GABRG3: variants seen among roughly 807,000 people sequenced by gnomAD.
The protein encoded by GABRG3 is gamma-aminobutyric acid receptor subunit gamma-3.
GABRG3 carries 25 observed loss-of-function variants against 48.8 expected under a neutral mutation model. The ratio of observed to expected loss-of-function variants is 0.51; its 90% confidence interval spans 0.37 to 0.72. The LOEUF is 0.72. Among genes scored for constraint, GABRG3 ranks in the 30% least tolerant of loss-of-function variants. The probability of loss-of-function intolerance (pLI) is 0.00; values close to 1 mark genes in which losing one functional copy is unlikely to be tolerated. For synonymous variants in GABRG3, 227 were observed against 217.6 expected, an observed-to-expected ratio of 1.04 and a Z score of -0.38; for missense variants, 394 against 577.9, an observed-to-expected ratio of 0.68 and a Z score of 3.26.
At chr15:27,337,418 A>G (rs1271624564) in intron 5 of GABRG3, among the ~76,000 whole-genome samples, 2 of 152,260 alleles carry the variant, frequency 1.3e-5, no homozygotes, top group Non-Finnish European at 2.9e-5. Flanking sequence ...ATGAAAAATT[A>G]TCAATGAACT....
At chr15:27,287,737 CTTTT>C (rs61469529) in intron 3 of GABRG3, among the ~76,000 whole-genome samples, 2 of 123,282 alleles carry the variant, frequency 1.6e-5, no homozygotes, top group South Asian at 2.5e-4. Context: ...TTTGCTGTGT[CTTTT>C]TTTTTTTTTT....
rs553524979 is a variant in GABRG3, at chr15:27,241,685, T to G, written c.271-85124T>G. Among the ~76,000 whole-genome samples the G allele has an allele frequency of 3.3e-5, 5 of 152,358 alleles. No individual in the cohort carries two copies. The East Asian group carries it at 9.6e-4, about 29-fold the overall frequency. ...AATTTCTGACACACATCAGCCGCTA[T>G]TCTAGTGCATAGTTAGTAGTCCACA... On this transcript the variant is annotated intron_variant, in intron 3 of 9. Transcript: ENST00000615808.
chr15:27,148,021 A>G (rs1055674945), intron 3 of GABRG3, among the ~76,000 whole-genome samples: 7 of 151,938 alleles, frequency 4.6e-5, no homozygotes, highest in Non-Finnish European at 8.8e-5. Context: ...ACAAAACCAA[A>G]AGTTGTTTTT....
At chr15:27,075,831 AGGAGTGT>A (rs1211006574) in intron 3 of GABRG3, among the ~76,000 whole-genome samples, 1 of 152,168 alleles carries the variant, frequency 6.6e-6, no homozygotes, top group Non-Finnish European at 1.5e-5. Context: ...TCAGATCATG[AGGAGTGT>A]GAAGGATTCC....
chr15:27,339,154 T>A (rs1457604362), intron 5 of GABRG3, among the ~76,000 whole-genome samples: 1 of 152,150 alleles, frequency 6.6e-6, no homozygotes, highest in Admixed American at 6.5e-5. Flanking sequence ...TTCTGCAAGG[T>A]GTCCACAGAG....
At chr15:27,123,631 A>G (rs778578729) in intron 3 of GABRG3, among the ~76,000 whole-genome samples, 2 of 152,186 alleles carry the variant, frequency 1.3e-5, no homozygotes, top group Non-Finnish European at 2.9e-5. Flanking sequence ...TCTTTGTTCT[A>G]GCCCATCGGA....
intron 3 of GABRG3, among the ~76,000 whole-genome samples, chr15:27,223,629 G>A (rs1889519415): frequency 6.6e-6 from 1 of 152,050 alleles, no homozygotes; most frequent in Admixed American, 6.6e-5. Flanking sequence ...ATTTCTGTAG[G>A]GTTTGCAAAA....
rs12438022 is a variant in GABRG3 at position 27,457,070 on chromosome 15, G to A, written c.575-23580G>A. On this transcript the variant is annotated intron_variant, in intron 5 of 9. Coordinates refer to ENST00000615808, the MANE Select transcript of GABRG3 (RefSeq NM_033223.5). The surrounding 1 kb of genome is among the most constrained non-coding windows in gnomAD (Gnocchi z 4.4). Reference sequence around the variant, plus strand: ...GTGGAAGTAGAAGGAGCTGGAGGAGGGGAGCTGCAGGCCTCACCTTCTCCA... The same window carrying A: ...GTGGAAGTAGAAGGAGCTGGAGGAGAGGAGCTGCAGGCCTCACCTTCTCCA... Among the ~76,000 whole-genome samples the A allele has an allele frequency of 0.068, 10,382 of 152,260 alleles. 651 individuals carry two copies. Among genetic ancestry groups the A allele is most frequent in the East Asian group, 0.27 (1,378 of 5,128 alleles).
At chr15:27,416,738 G>GC (rs1887951786) in intron 5 of GABRG3, among the ~76,000 whole-genome samples, 1 of 152,084 alleles carries the variant, frequency 6.6e-6, no homozygotes, top group African/African-American at 2.4e-5. Context: ...CTGGGTTTCT[G>GC]CCCCGGTAAA....
At chr15:27,178,747 A>C (rs1195704201) in intron 3 of GABRG3, among the ~76,000 whole-genome samples, 1 of 152,182 alleles carries the variant, frequency 6.6e-6, no homozygotes, top group African/African-American at 2.4e-5. Context: ...ACAGCAAGGC[A>C]TATCGGTCTA....
At chr15:27,312,806 A>G (rs1031900316) in intron 3 of GABRG3, among the ~76,000 whole-genome samples, 7 of 152,136 alleles carry the variant, frequency 4.6e-5, no homozygotes, top group African/African-American at 1.7e-4. Context: ...GACACTAAAC[A>G]GCAACATTAT....
chr15:27,093,220 G>A (rs535095423), intron 3 of GABRG3, among the ~76,000 whole-genome samples: 24 of 152,250 alleles, frequency 1.6e-4, no homozygotes, highest in African/African-American at 5.5e-4. Flanking sequence ...TTGGTGAGGT[G>A]GAGGCAGGAG....
chr15:27,452,382 G>T (rs572606238), intron 5 of GABRG3, among the ~76,000 whole-genome samples: 34 of 152,222 alleles, frequency 2.2e-4, no homozygotes, highest in African/African-American at 7.2e-4. Context: ...ATATAGAGTT[G>T]ACCCTTAAAC....
intron 2 of GABRG3, among the ~76,000 whole-genome samples, chr15:27,017,775 C>T (rs565538744): frequency 2.3e-3 from 344 of 152,286 alleles, no homozygotes; most frequent in Middle Eastern, 0.014. Context: ...CTAGATTTCT[C>T]ACAGAGGCAG....
intron 3 of GABRG3, among the ~76,000 whole-genome samples, chr15:27,298,669 T>C (rs1030440369): frequency 6.6e-6 from 1 of 152,140 alleles, no homozygotes; most frequent in Non-Finnish European, 1.5e-5. Flanking sequence ...TTTAATTTTT[T>C]TTTTATATTT....
chr15:27,297,470 A>G lies in GABRG3; in HGVS notation c.271-29339A>G, dbSNP rs147197713. On this transcript the variant is annotated intron_variant, in intron 3 of 9. Coordinates refer to ENST00000615808, the MANE Select transcript of GABRG3 (RefSeq NM_033223.5). ...TAGCATTTTTTATCTTTTATACTAT[A>G]TTTTTACCATACATTTTTTATGTTT... 3.2e-4 allele frequency among the ~76,000 whole-genome samples: 49 copies of G among 152,190 alleles called. No homozygotes were observed. The East Asian group carries it at 7.5e-3, about 23-fold the overall frequency.
At chr15:27,219,281 G>A (rs559763770) in intron 3 of GABRG3, among the ~76,000 whole-genome samples, 1 of 149,408 alleles carries the variant, frequency 6.7e-6, no homozygotes, top group African/African-American at 2.6e-5. Context: ...GGCTGGCCTT[G>A]GGGCGGGCTG....
intron 3 of GABRG3, among the ~76,000 whole-genome samples, chr15:27,260,169 G>T (rs1273925639): frequency 6.6e-6 from 1 of 152,150 alleles, no homozygotes; most frequent in African/African-American, 2.4e-5. Context: ...CATTCTGGAG[G>T]CTGGGAATCC....
chr15:27,501,870 T>C (rs867102283), intron 6 of GABRG3, among the ~76,000 whole-genome samples: 1 of 151,562 alleles, frequency 6.6e-6, no homozygotes, highest in African/African-American at 2.4e-5. Context: ...AGGAGAAGAG[T>C]GTGGGATGTG....
Sources: allele counts gnomAD v4.1 joint callset (sites outside exome capture counted in the v4.1 genomes callset), GRCh38; gene constraint gnomAD v4.1.1; non-coding constraint Gnocchi (gnomAD v3.1); transcripts MANE v1.5; gene names NCBI Gene and HGNC (gene_info 2026-07-23, HGNC 2026-07-21).